Variants in PDE1A observed in about 807,000 individuals in gnomAD.
PDE1A encodes phosphodiesterase 1A.
A neutral mutation model predicts 61.7 loss-of-function variants in PDE1A; 35 were observed. That is an observed-to-expected ratio of 0.57 (90% CI 0.43 to 0.75). The LOEUF (loss-of-function observed/expected upper bound fraction) is 0.75, where lower values mean the gene tolerates loss of function less well. Ranked by LOEUF, PDE1A falls within the 30% of genes least tolerant of loss-of-function variation. The pLI is 0.00. For synonymous variants in PDE1A, 232 were observed against 213.2 expected, an observed-to-expected ratio of 1.09 and a Z score of -0.77; for missense variants, 597 against 630.6, an observed-to-expected ratio of 0.95 and a Z score of 0.57.
chr2:182,240,166 T>C (rs1690386117), exon 3 of PDE1A: 2 of 1,614,004 alleles, frequency 1.2e-6, no homozygotes, highest in Non-Finnish European at 1.7e-6. Context: ...ATTTTGGTTT[T>C]TCCTCAGGTT....
chr2:182,527,303 TAAAAAAA>T (rs869281717), upstream of PDE1A, among the ~76,000 whole-genome samples: 358 of 22,838 alleles, frequency 0.016, 11 homozygotes, highest in Middle Eastern at 0.026. Context: ...CCTTTCTCTA[TAAAAAAA>T]AAAAAAAAAA....
At chr2:182,217,755 A>G (rs1354927962) in intron 7 of PDE1A, among the ~76,000 whole-genome samples, 2 of 145,414 alleles carry the variant, frequency 1.4e-5, no homozygotes, top group African/African-American at 5.1e-5. Context: ...CGATCATTAA[A>G]AAGTCAGGAA....
chr2:182,201,116 TCTATTATGAAAGCTATTTG>T (rs1399320511), intron 10 of PDE1A, among the ~76,000 whole-genome samples: 18 of 152,196 alleles, frequency 1.2e-4, no homozygotes, highest in South Asian at 2.1e-4. Flanking sequence ...ATCTACTCTT[TCTATTATGAAAGCTATTTG>T]CTGTCTCTGC....
intron 2 of PDE1A, among the ~76,000 whole-genome samples, chr2:182,498,985 G>T (rs1027012518): frequency 2.0e-5 from 3 of 151,242 alleles, no homozygotes; most frequent in South Asian, 2.1e-4. Context: ...GGTTTTTTTG[G>T]TTTTTGTTTT....
chr2:182,356,036 T>G (rs775259447), intron 1 of PDE1A, among the ~76,000 whole-genome samples: 1 of 152,212 alleles, frequency 6.6e-6, no homozygotes, highest in Non-Finnish European at 1.5e-5. Flanking sequence ...CAGCTACAGG[T>G]CAGTTTGATT....
chr2:182,234,459 A>G lies in PDE1A; in HGVS notation c.390T>C (p.Tyr130=), dbSNP rs1309437380. 1.9e-6 allele frequency: 3 copies of G among 1,608,222 alleles called. No individual in the cohort carries two copies. In the African/African-American group the frequency reaches 4.0e-5, roughly 22 times the overall value. Residue 130 remains tyrosine, a synonymous_variant, in exon 4 of 14, where the codon TAT becomes TAC. Coordinates refer to ENST00000351439, the Ensembl canonical transcript of PDE1A. ...TTAATGTTACGATGACAGCTGCTGG[A>G]TATGCCAAACCAACCATATGATATG...
intron 2 of PDE1A, among the ~76,000 whole-genome samples, chr2:182,435,127 G>A (rs1474508983): frequency 6.6e-6 from 1 of 151,956 alleles, no homozygotes; most frequent in African/African-American, 2.4e-5. Flanking sequence ...CCTATAAGTA[G>A]TGTAACATTA....
chr2:182,367,413 T>C (rs982230196), intron 1 of PDE1A, among the ~76,000 whole-genome samples: 11 of 152,056 alleles, frequency 7.2e-5, no homozygotes, highest in African/African-American at 2.7e-4. Context: ...CCTTTTATCT[T>C]CATATGTTTC....
chr2:182,194,377 G>A (rs1172042858), intron 10 of PDE1A, among the ~76,000 whole-genome samples: 1 of 151,862 alleles, frequency 6.6e-6, no homozygotes, highest in Non-Finnish European at 1.5e-5. Flanking sequence ...TTACTTTTTT[G>A]GCTGATATTG....
the PDE1A span, among the ~76,000 whole-genome samples, chr2:182,692,855 A>G: frequency 6.6e-6 from 1 of 151,920 alleles, no homozygotes; most frequent in African/African-American, 2.4e-5. Flanking sequence ...GATAATTTAT[A>G]TGTTTCACTA....
chr2:182,682,420 G>T, the PDE1A span, among the ~76,000 whole-genome samples: 1 of 152,160 alleles, frequency 6.6e-6, no homozygotes, highest in African/African-American at 2.4e-5. Context: ...GCAGGTAGTA[G>T]GTTAGGCAGT....
chr2:182,423,067 C>T (rs1703381509), intron 1 of PDE1A, among the ~76,000 whole-genome samples: 1 of 152,140 alleles, frequency 6.6e-6, no homozygotes, highest in Admixed American at 6.6e-5. Context: ...TCACCATGCA[C>T]ATATGCTCAG....
chr2:182,270,063 T>C (rs755428315), intron 1 of PDE1A, among the ~76,000 whole-genome samples: 4 of 152,276 alleles, frequency 2.6e-5, no homozygotes, highest in South Asian at 2.1e-4. Flanking sequence ...TCTTTGATAA[T>C]TCCTAAGACT....
chr2:182,384,304 A>AT (rs1700901156), intron 1 of PDE1A, among the ~76,000 whole-genome samples: 1 of 152,206 alleles, frequency 6.6e-6, no homozygotes, highest in Admixed American at 6.5e-5. Flanking sequence ...GGTTCCAGTG[A>AT]TTGACCCTAA....
intron 1 of PDE1A, among the ~76,000 whole-genome samples, chr2:182,278,508 C>T (rs1312271463): frequency 6.6e-6 from 1 of 151,290 alleles, no homozygotes; most frequent in African/African-American, 2.4e-5. Flanking sequence ...ATTTACATTT[C>T]TATCATATGA....
the PDE1A span, among the ~76,000 whole-genome samples, chr2:182,709,428 G>A: frequency 6.6e-6 from 1 of 152,132 alleles, no homozygotes; most frequent in Non-Finnish European, 1.5e-5. Flanking sequence ...TTGAATACAT[G>A]CCAAGCACTG....
At chr2:182,437,777 C>T (rs17265061) in intron 2 of PDE1A, among the ~76,000 whole-genome samples, 24,945 of 151,754 alleles carry the variant, frequency 0.16, 2,391 homozygotes, top group Middle Eastern at 0.32. Context: ...CTGTTTCTTA[C>T]AATCATTTTA....
intron 1 of PDE1A, among the ~76,000 whole-genome samples, chr2:182,319,039 A>G (rs1035280369): frequency 6.6e-6 from 1 of 152,096 alleles, no homozygotes; most frequent in Non-Finnish European, 1.5e-5. Context: ...TCATGCCTTC[A>G]TGTTTTGAAA....
chr2:182,264,788 ACT>A (rs1397695979), intron 1 of PDE1A, among the ~76,000 whole-genome samples: 1 of 148,990 alleles, frequency 6.7e-6, no homozygotes, highest in Non-Finnish European at 1.5e-5. Flanking sequence ...TTCAAAGGAC[ACT>A]CTTCTTAATT....
Sources: gnomAD v4.1 joint callset for allele counts (sites outside exome capture counted in the v4.1 genomes callset) on GRCh38, gnomAD v4.1.1 for gene constraint, MANE v1.5 for transcripts, NCBI Gene and HGNC (gene_info 2026-07-23, HGNC 2026-07-21) for gene names.